The following PABPC1L2B variants were observed in gnomAD, a reference collection of about 807,000 sequenced individuals.
PABPC1L2B encodes the protein poly(A) binding protein cytoplasmic 1 like 2B.
For synonymous variants in PABPC1L2B, 7 were observed against 7.1 expected, an observed-to-expected ratio of 0.99 and a Z score of 0.02; for missense variants, 5 against 16.4, an observed-to-expected ratio of 0.30 and a Z score of 1.20.
rs1603290725 is a variant in PABPC1L2B, at chrX:73,003,777, C to T, written c.135C>T (p.Tyr45=). 2 of 249,887 alleles carry T rather than the reference C, an allele frequency of 8.0e-6. No homozygotes were observed. 20.6% of individuals were successfully genotyped at this position (249,887 alleles called of 1,213,427 possible). The change falls in exon 1 of 1, where the codon TAC becomes TAT. Residue 45 remains tyrosine (Y), a synonymous_variant. Coordinates refer to ENST00000373521, the MANE Select transcript of PABPC1L2B (RefSeq NM_001042506.2). ...AGATCACCCGCCGCTCATTGGGCTA[C>T]GCGTATGTCAACTACCAGCAACCGG... The part of the protein sequence containing the change: ...RDKITRRSLG[Y]AYVNYQQPVD...
rs1469476061 is a variant in PABPC1L2B at position 73,006,029 on chromosome X, A to T, written c.*1784A>T. The stretch of plus-strand genomic sequence containing the variant: ...AAAGATAGTACCAATTTACCCTCAT[A>T]AAATATGCAGATATTGTGAGTGTAC... On this transcript the variant is annotated 3_prime_UTR_variant, in exon 1 of 1. Transcript: ENST00000373521. Among the ~76,000 whole-genome samples, 2 of 111,907 alleles carry T rather than the reference A, an allele frequency of 1.8e-5. No homozygotes were observed. The highest frequency in any genetic ancestry group is 6.5e-5 in the African/African-American group (2 of 30,854).
Position 73,003,975 on chromosome X carries a change from G to T in PABPC1L2B, c.333G>T (p.Ser111=). The part of the protein sequence containing the change: ...IDNKALYNIF[S]AFGNILSCKV... ...ACAAGGCGCTGTACAACATCTTCTC[G>T]GCGTTCGGCAACATCCTCTCCTGCA... Residue 111 remains serine, a synonymous_variant, in exon 1 of 1, where the codon TCG becomes TCT. Coordinates refer to ENST00000373521, the MANE Select transcript of PABPC1L2B (RefSeq NM_001042506.2). 1 of 194,224 alleles carries T rather than the reference G, an allele frequency of 5.1e-6. No homozygotes were observed. Among genetic ancestry groups the T allele is most frequent in the Non-Finnish European group, 8.2e-6 (1 of 122,685 alleles). The allele number at this position is 194,224 out of a possible 1,213,427, so 16.0% of individuals were successfully genotyped here.
rs1459839026 is a variant in PABPC1L2B, at chrX:73,005,840, A to G, written c.*1595A>G. ...AGTTATTGGACGTCTGGGTTGTTTCATTTTGTTTTCTTATGCAAGCCAAAG... is the reference window on the plus strand; with the variant it reads ...AGTTATTGGACGTCTGGGTTGTTTCGTTTTGTTTTCTTATGCAAGCCAAAG... On this transcript the variant is annotated 3_prime_UTR_variant, in exon 1 of 1. Transcript: ENST00000373521. 1 of 118,643 alleles carries G rather than the reference A, an allele frequency of 8.4e-6. No homozygotes were observed. The highest frequency in any genetic ancestry group is 1.9e-5 in the Non-Finnish European group (1 of 53,218). The allele number at this position is 118,643 out of a possible 1,213,427, so 9.8% of individuals were successfully genotyped here.
rs1396025904 is a variant in PABPC1L2B at position 73,003,495 on chromosome X, G to C, written c.-148G>C. The C allele has an allele frequency of 3.3e-5, 26 of 781,517 alleles. No individual in the cohort carries two copies. Among genetic ancestry groups the C allele is most frequent in the African/African-American group, 1.6e-4 (2 of 12,590 alleles). The allele number at this position is 781,517 out of a possible 1,213,427, so 64.4% of individuals were successfully genotyped here. ...CGGAGGCTGCGGGGCCCCCCTTGGG[G>C]GAGGCGGAGGCGGATGCGGATGCGG... On this transcript the variant is annotated 5_prime_UTR_variant, in exon 1 of 1. Transcript: ENST00000373521.
rs2055177626 is a variant in PABPC1L2B, at chrX:73,004,560, TTCTC to T, written c.*319_*322del. ...TGGTTTGGTTTAAAAAGCATTTTCA[TTCTC>T]TCTTTGTTTACTGCACAGGTGGTAC... On this transcript the variant is annotated 3_prime_UTR_variant, in exon 1 of 1. Coordinates refer to ENST00000373521, the MANE Select transcript of PABPC1L2B (RefSeq NM_001042506.2). 3 of 413,445 alleles carry T rather than the reference TTCTC, an allele frequency of 7.3e-6. No homozygotes were observed. Among genetic ancestry groups the T allele is most frequent in the Non-Finnish European group, 1.3e-5 (3 of 229,953 alleles). The allele number at this position is 413,445 out of a possible 1,213,427, so 34.1% of individuals were successfully genotyped here. A position where few individuals can be genotyped will look rare whatever the true frequency, so the allele number is the denominator to read the frequency against.
chrX:73,005,528 A>T lies in PABPC1L2B; in HGVS notation c.*1283A>T, dbSNP rs2055184043. ...TTAATGTCACCAGTAATCATTTCTG[A>T]TGATTACTTATACATTCCTGAAACA... On this transcript the variant is annotated 3_prime_UTR_variant, in exon 1 of 1. Coordinates refer to ENST00000373521, the MANE Select transcript of PABPC1L2B (RefSeq NM_001042506.2). 8.1e-6 allele frequency: 1 copy of T among 123,120 alleles called. No individual in the cohort carries two copies. Among genetic ancestry groups the T allele is most frequent in the Non-Finnish European group, 1.9e-5 (1 of 53,303 alleles). 10.1% of individuals were successfully genotyped at this position (123,120 alleles called of 1,213,427 possible).
rs144388909 is a variant in PABPC1L2B at position 73,005,397 on chromosome X, C to A, written c.*1152C>A. On this transcript the variant is annotated 3_prime_UTR_variant, in exon 1 of 1. Transcript: ENST00000373521. ...GCAATCAAACACTGTTTATTACCCC[C>A]TTCCCCTGTGCCCACTTCCTGTCCT... 0.015 allele frequency: 1,876 copies of A among 122,706 alleles called. 30 individuals carry two copies. Among genetic ancestry groups the A allele is most frequent in the East Asian group, 0.058 (205 of 3,546 alleles). The allele number at this position is 122,706 out of a possible 1,213,427, so 10.1% of individuals were successfully genotyped here.
Position 73,005,817 on chromosome X carries a change from T to C in PABPC1L2B, c.*1572T>C. 1 of 120,143 alleles carries C rather than the reference T, an allele frequency of 8.3e-6. No homozygotes were observed. Among genetic ancestry groups the C allele is most frequent in the Non-Finnish European group, 1.9e-5 (1 of 53,198 alleles). The allele number at this position is 120,143 out of a possible 1,213,427, so 9.9% of individuals were successfully genotyped here. On this transcript the variant is annotated 3_prime_UTR_variant, in exon 1 of 1. Coordinates refer to ENST00000373521, the MANE Select transcript of PABPC1L2B (RefSeq NM_001042506.2). ...ATAGGGATATATTTGTTTTAAGTAG[T>C]TATTGGACGTCTGGGTTGTTTCATT...
rs1470749276 is a variant in PABPC1L2B at position 73,005,518 on chromosome X, A to G, written c.*1273A>G. 8.1e-6 allele frequency: 1 copy of G among 123,059 alleles called. No homozygotes were observed. Among genetic ancestry groups the G allele is most frequent in the African/African-American group, 3.3e-5 (1 of 30,730 alleles). 10.1% of individuals were successfully genotyped at this position (123,059 alleles called of 1,213,427 possible). A position where few individuals can be genotyped will look rare whatever the true frequency, so the allele number is the denominator to read the frequency against. On this transcript the variant is annotated 3_prime_UTR_variant, in exon 1 of 1. Coordinates refer to ENST00000373521, the MANE Select transcript of PABPC1L2B (RefSeq NM_001042506.2). ...CAGAAGAAAATTAATGTCACCAGTA[A>G]TCATTTCTGATGATTACTTATACAT... is the stretch of plus-strand genomic sequence containing the variant.
At position 73,005,930 on chromosome X, in the gene PABPC1L2B, G is replaced by T. The variant is rs1250323755; in HGVS notation, c.*1685G>T. ...TTTATTTCCTGAACAAAAGTTAATA[G>T]TATAATTGAAGGATGAAAAGATATG... On this transcript the variant is annotated 3_prime_UTR_variant, in exon 1 of 1. Coordinates refer to ENST00000373521, the MANE Select transcript of PABPC1L2B (RefSeq NM_001042506.2). Among the ~76,000 whole-genome samples, 1 of 111,753 alleles carries T rather than the reference G, an allele frequency of 8.9e-6. No individual in the cohort carries two copies. Among genetic ancestry groups the T allele is most frequent in the Non-Finnish European group, 1.9e-5 (1 of 53,168 alleles).
chrX:73,003,927 G>A lies in PABPC1L2B; in HGVS notation c.285G>A (p.Lys95=). The change falls in exon 1 of 1, where the codon AAG becomes AAA. Residue 95 remains lysine, a synonymous_variant. Coordinates refer to ENST00000373521, the MANE Select transcript of PABPC1L2B (RefSeq NM_001042506.2). ...RKSGVGNVFI[K]NLGKTIDNKA... ...GCGGGGTGGGCAACGTCTTCATCAAGAACCTGGGCAAGACCATCGACAACA... is the reference window on the plus strand; with the variant it reads ...GCGGGGTGGGCAACGTCTTCATCAAAAACCTGGGCAAGACCATCGACAACA... 5.0e-6 allele frequency: 1 copy of A among 200,192 alleles called. No homozygotes were observed. Among genetic ancestry groups the A allele is most frequent in the Non-Finnish European group, 7.6e-6 (1 of 130,879 alleles). 16.5% of individuals were successfully genotyped at this position (200,192 alleles called of 1,213,427 possible).
At position 73,005,902 on chromosome X, in the gene PABPC1L2B, A is replaced by G. The variant is rs2055186163; in HGVS notation, c.*1657A>G. On this transcript the variant is annotated 3_prime_UTR_variant, in exon 1 of 1. Transcript: ENST00000373521. ...ATCACAGTGCACAAACATTACATTC[A>G]TGTTTATTTCCTGAACAAAAGTTAA... Among the ~76,000 whole-genome samples, 1 of 111,967 alleles carries G rather than the reference A, an allele frequency of 8.9e-6. No individual in the cohort carries two copies. Among genetic ancestry groups the G allele is most frequent in the Non-Finnish European group, 1.9e-5 (1 of 53,205 alleles).
Position 73,006,045 on chromosome X carries a change from G to A in PABPC1L2B, c.*1800G>A, listed in dbSNP as rs1037568345. ...TACCCTCATAAAATATGCAGATATT[G>A]TGAGTGTACCTGGATACCTGTACAG... On this transcript the variant is annotated 3_prime_UTR_variant, in exon 1 of 1. Transcript: ENST00000373521. Among the ~76,000 whole-genome samples, 1 of 111,810 alleles carries A rather than the reference G, an allele frequency of 8.9e-6. No homozygotes were observed. Among genetic ancestry groups the A allele is most frequent in the Non-Finnish European group, 1.9e-5 (1 of 53,108 alleles).
rs1336259460 is a variant in PABPC1L2B, at chrX:73,005,481, C to T, written c.*1236C>T. On this transcript the variant is annotated 3_prime_UTR_variant, in exon 1 of 1. Coordinates refer to ENST00000373521, the MANE Select transcript of PABPC1L2B (RefSeq NM_001042506.2). The stretch of plus-strand genomic sequence containing the variant: ...TTGCAGGAAAAAAATAATCACGAAG[C>T]AGACAAGTTAACAGAAGAAAATTAA... 2.4e-5 allele frequency: 3 copies of T among 122,997 alleles called. No individual in the cohort carries two copies. The highest frequency in any genetic ancestry group is 5.6e-5 in the Non-Finnish European group (3 of 53,283). 10.1% of individuals were successfully genotyped at this position (122,997 alleles called of 1,213,427 possible). A position where few individuals can be genotyped will look rare whatever the true frequency, so the allele number is the denominator to read the frequency against.
rs782545464 is a variant in PABPC1L2B at position 73,005,547 on chromosome X, T to C, written c.*1302T>C. ...TTTCTGATGATTACTTATACATTCC[T>C]GAAACATTTTCATCTGTATCTGCCC... On this transcript the variant is annotated 3_prime_UTR_variant, in exon 1 of 1. Coordinates refer to ENST00000373521, the MANE Select transcript of PABPC1L2B (RefSeq NM_001042506.2). 8.1e-6 allele frequency: 1 copy of C among 123,213 alleles called. No individual in the cohort carries two copies. Among genetic ancestry groups the C allele is most frequent in the Non-Finnish European group, 1.9e-5 (1 of 53,307 alleles). 10.2% of individuals were successfully genotyped at this position (123,213 alleles called of 1,213,427 possible). A position where few individuals can be genotyped will look rare whatever the true frequency, so the allele number is the denominator to read the frequency against.
Position 73,006,032 on chromosome X carries a change from A to G in PABPC1L2B, c.*1787A>G, listed in dbSNP as rs1429803962. Among the ~76,000 whole-genome samples the G allele has an allele frequency of 1.8e-5, 2 of 111,842 alleles. No homozygotes were observed. Among genetic ancestry groups the G allele is most frequent in the Non-Finnish European group, 3.8e-5 (2 of 53,106 alleles). On this transcript the variant is annotated 3_prime_UTR_variant, in exon 1 of 1. Transcript: ENST00000373521. The stretch of plus-strand genomic sequence containing the variant: ...GATAGTACCAATTTACCCTCATAAA[A>G]TATGCAGATATTGTGAGTGTACCTG...
Position 73,003,515 on chromosome X carries a change from A to C in PABPC1L2B, c.-128A>C, listed in dbSNP as rs1186563328. 1.1e-5 allele frequency: 9 copies of C among 783,924 alleles called. 3 individuals are homozygous for C. In the East Asian group the frequency reaches 1.8e-3, roughly 154 times the overall value. The allele number at this position is 783,924 out of a possible 1,213,427, so 64.6% of individuals were successfully genotyped here. A position where few individuals can be genotyped will look rare whatever the true frequency, so the allele number is the denominator to read the frequency against. On this transcript the variant is annotated 5_prime_UTR_variant, in exon 1 of 1. It removes an upstream start codon present in the reference 5' UTR. Transcript: ENST00000373521. ...TTGGGGGAGGCGGAGGCGGATGCGG[A>C]TGCGGATGCGGATGCGAATGCGAAG...
rs1282438641 is a variant in PABPC1L2B, at chrX:73,005,385, G to C, written c.*1140G>C. 1 of 122,434 alleles carries C rather than the reference G, an allele frequency of 8.2e-6. No individual in the cohort carries two copies. The highest frequency in any genetic ancestry group is 1.9e-5 in the Non-Finnish European group (1 of 53,150). 10.1% of individuals were successfully genotyped at this position (122,434 alleles called of 1,213,427 possible). On this transcript the variant is annotated 3_prime_UTR_variant, in exon 1 of 1. Transcript: ENST00000373521. ...AGTGGTTTTGCTGCAATCAAACACTGTTTATTACCCCCTTCCCCTGTGCCC... is the reference window on the plus strand; with the variant it reads ...AGTGGTTTTGCTGCAATCAAACACTCTTTATTACCCCCTTCCCCTGTGCCC...
rs1603290808 is a variant in PABPC1L2B, at chrX:73,004,884, G to A, written c.*639G>A. On this transcript the variant is annotated 3_prime_UTR_variant, in exon 1 of 1. Transcript: ENST00000373521. ...GAACTTCTTTCCATGTTATCAACAG[G>A]CTTATGAAATGTCATCTTCAGTGCC... The A allele has an allele frequency of 1.5e-4, 1 of 6,538 alleles. No homozygotes were observed. Among genetic ancestry groups the A allele is most frequent in the Non-Finnish European group, 3.2e-4 (1 of 3,081 alleles). The allele number at this position is 6,538 out of a possible 1,213,427, so 0.5% of individuals were successfully genotyped here.
Sources: allele counts gnomAD v4.1 joint callset (sites outside exome capture counted in the v4.1 genomes callset), GRCh38; gene constraint gnomAD v4.1.1; transcripts MANE v1.5; gene names NCBI Gene and HGNC (gene_info 2026-07-23, HGNC 2026-07-21).